Variants in TMEM117 observed in about 807,000 individuals in gnomAD.
TMEM117 encodes transmembrane protein 117.
TMEM117 carries 27 observed loss-of-function variants against 52.4 expected under a neutral mutation model. The ratio of observed to expected loss-of-function variants is 0.51; its 90% CI spans 0.38 to 0.71. The LOEUF is 0.71. Ranked by LOEUF, TMEM117 falls within the 30% of genes least tolerant of loss-of-function variation. The pLI, the probability that TMEM117 is intolerant of heterozygous loss-of-function variation, is 0.00. For missense variants in TMEM117, 556 were observed against 630.5 expected, an observed-to-expected ratio of 0.88 and a Z score of 1.26; for synonymous variants, 215 against 206.3, an observed-to-expected ratio of 1.04 and a Z score of -0.36.
In TMEM117 at chr12:43,848,497, C is replaced by T. The variant is rs145618104; in HGVS notation, c.277+3569C>T. Among the ~76,000 whole-genome samples, 225 of 152,198 alleles carry T rather than the reference C, an allele frequency of 1.5e-3. 1 individual carries two copies. In the East Asian group the frequency reaches 0.04, roughly 27 times the overall value. On this transcript the variant is annotated intron_variant, in intron 2 of 7. Transcript: ENST00000266534. The stretch of plus-strand genomic sequence containing the variant: ...ACGATATGTTTCCTACTTGCATGTC[C>T]GTTTATAGGCTCTCTGCAAGAAGAA...
rs148994433 is a variant in TMEM117 at position 44,275,478 on chromosome 12, A to G, written c.609-24102A>G. Among the ~76,000 whole-genome samples the G allele has an allele frequency of 1.0e-3, 156 of 152,224 alleles. 1 individual carries two copies. In the East Asian group the frequency reaches 0.021, roughly 21 times the overall value. ...CCAAAAGAAAGGAAATCAGTATATCAAAGATATATCTGCAGTCCCATATTT... is the reference window on the plus strand; with the variant it reads ...CCAAAAGAAAGGAAATCAGTATATCGAAGATATATCTGCAGTCCCATATTT... On this transcript the variant is annotated intron_variant, in intron 5 of 7. Transcript: ENST00000266534.
intron 2 of TMEM117, among the ~76,000 whole-genome samples, chr12:43,899,372 C>T (rs1054592874): frequency 2.6e-5 from 4 of 152,110 alleles, no homozygotes; most frequent in African/African-American, 7.2e-5. Context: ...CTTTCTTCAT[C>T]GTTAAAAATA....
chr12:44,235,201 T>A (rs982471913), intron 5 of TMEM117, among the ~76,000 whole-genome samples: 12 of 151,634 alleles, frequency 7.9e-5, no homozygotes, highest in Non-Finnish European at 1.5e-4. Context: ...TAGATATATT[T>A]TTTTGACTTT....
At chr12:43,903,313 A>C (rs911088665) in intron 2 of TMEM117, among the ~76,000 whole-genome samples, 4 of 152,188 alleles carry the variant, frequency 2.6e-5, no homozygotes, top group African/African-American at 9.6e-5. Context: ...TTTAATAAAA[A>C]CTTTTCTAAG....
intron 2 of TMEM117, among the ~76,000 whole-genome samples, chr12:43,907,519 A>C (rs1162426717): frequency 6.6e-6 from 1 of 151,120 alleles, no homozygotes; most frequent in African/African-American, 2.4e-5. Flanking sequence ...GAGCTGAGAG[A>C]AGAAGGCTTC....
intron 5 of TMEM117, among the ~76,000 whole-genome samples, chr12:44,298,454 G>A (rs1251688162): frequency 6.8e-6 from 1 of 147,910 alleles, no homozygotes; most frequent in Admixed American, 6.7e-5. Flanking sequence ...ACAATATCTA[G>A]CCATCAATAT....
Position 43,931,300 on chromosome 12 carries a change from A to G in TMEM117, c.278-12910A>G, listed in dbSNP as rs190029814. ...AGTAGCATCAAACTATTTCCAAGTA[A>G]TTTAAATGCATCCAAGAACAAAACT... On this transcript the variant is annotated intron_variant, in intron 2 of 7. Transcript: ENST00000266534. Among the ~76,000 whole-genome samples, 8 of 152,346 alleles carry G rather than the reference A, an allele frequency of 5.3e-5. No individual in the cohort carries two copies. In the East Asian group the frequency reaches 1.2e-3, roughly 22 times the overall value.
chr12:43,815,699 C>G, the TMEM117 span, among the ~76,000 whole-genome samples: 8 of 152,336 alleles, frequency 5.3e-5, no homozygotes, highest in African/African-American at 1.9e-4. Context: ...CAAAGGGCTG[C>G]CTTTTCACGT....
At chr12:43,848,334 G>T (rs1396206890) in intron 2 of TMEM117, among the ~76,000 whole-genome samples, 2 of 152,094 alleles carry the variant, frequency 1.3e-5, no homozygotes, top group Admixed American at 6.5e-5. Context: ...TTCTTCAGGA[G>T]ACCAGGGCTT....
At chr12:44,196,199 G>A (rs1426314706) in intron 4 of TMEM117, among the ~76,000 whole-genome samples, 2 of 151,988 alleles carry the variant, frequency 1.3e-5, no homozygotes, top group Non-Finnish European at 2.9e-5. Flanking sequence ...TAAGCATTAA[G>A]CATTAAGAAT....
At chr12:43,919,466 T>A (rs1414370866) in intron 2 of TMEM117, among the ~76,000 whole-genome samples, 2 of 152,242 alleles carry the variant, frequency 1.3e-5, no homozygotes. Context: ...ATGGCAGGAC[T>A]TCCTTCTTTA....
At chr12:44,387,788 G>C (rs999558597) in intron 7 of TMEM117, among the ~76,000 whole-genome samples, 1 of 152,062 alleles carries the variant, frequency 6.6e-6, no homozygotes, top group African/African-American at 2.4e-5. Flanking sequence ...TAGTATAAAT[G>C]CCATAAATTA....
At chr12:43,922,546 C>T (rs1944712588) in intron 2 of TMEM117, among the ~76,000 whole-genome samples, 2 of 152,164 alleles carry the variant, frequency 1.3e-5, no homozygotes, top group Non-Finnish European at 2.9e-5. Context: ...GACTTAGCCT[C>T]ATTAGGGCGT....
chr12:43,896,704 T>A (rs779683706), intron 2 of TMEM117, among the ~76,000 whole-genome samples: 11 of 152,200 alleles, frequency 7.2e-5, no homozygotes, highest in Non-Finnish European at 1.3e-4. Context: ...GGAGGCTTTG[T>A]TGGCCATGGT....
At chr12:44,046,744 G>A (rs1293110203) in intron 3 of TMEM117, among the ~76,000 whole-genome samples, 4 of 152,176 alleles carry the variant, frequency 2.6e-5, no homozygotes, top group Admixed American at 6.5e-5. Context: ...GTTTGTGCAT[G>A]TATAGACTTG....
chr12:44,016,122 G>T (rs576415031), intron 3 of TMEM117, among the ~76,000 whole-genome samples: 2 of 152,134 alleles, frequency 1.3e-5, no homozygotes, highest in Non-Finnish European at 2.9e-5. Flanking sequence ...GTGGAGTGGG[G>T]TTCATACGGT....
chr12:44,374,809 G>A (rs556131334), intron 6 of TMEM117, among the ~76,000 whole-genome samples: 3 of 151,974 alleles, frequency 2.0e-5, no homozygotes, highest in African/African-American at 7.2e-5. Context: ...AAAAGAAGCC[G>A]GTTCTGAATA....
At chr12:44,145,026 G>A (rs1041745671) in intron 4 of TMEM117, among the ~76,000 whole-genome samples, 6 of 152,038 alleles carry the variant, frequency 3.9e-5, no homozygotes, top group Non-Finnish European at 4.4e-5. Flanking sequence ...GCGTGGTGGC[G>A]GGCGCCTGTA....
chr12:44,104,594 T>C (rs1338663772), intron 3 of TMEM117, among the ~76,000 whole-genome samples: 1 of 152,078 alleles, frequency 6.6e-6, no homozygotes, highest in Non-Finnish European at 1.5e-5. Context: ...TATGTGGCTC[T>C]GAGTTTCTGA....
Sources: gnomAD v4.1 joint callset for allele counts (sites outside exome capture counted in the v4.1 genomes callset) on GRCh38, gnomAD v4.1.1 for gene constraint, MANE v1.5 for transcripts, NCBI Gene and HGNC (gene_info 2026-07-23, HGNC 2026-07-21) for gene names.